Variants in PDE4D observed in about 807,000 individuals in gnomAD.
PDE4D encodes 3',5'-cyclic-AMP phosphodiesterase 4D.
A neutral mutation model predicts 87.4 loss-of-function variants in PDE4D; 24 were observed. The observed-to-expected ratio is 0.27, with a 90% confidence interval of 0.20 to 0.39. The LOEUF (loss-of-function observed/expected upper bound fraction) is 0.39. Among genes scored for constraint, PDE4D ranks in the 10% least tolerant of loss-of-function variants. The pLI is 1.00. For missense variants in PDE4D, 714 were observed against 1,041.0 expected (o/e 0.69, Z 4.32); for synonymous variants, 384 against 383.2 (o/e 1.00, Z -0.02).
At chr5:60,156,314 G>A (rs2962962) in intron 2 of PDE4D, among the ~76,000 whole-genome samples, 102,472 of 152,100 alleles carry the variant, frequency 0.67, 35,078 homozygotes, top group Middle Eastern at 0.7. Flanking sequence ...GGAGGAGAAT[G>A]TATATCTGGT....
chr5:60,215,630 C>T (rs567028396), intron 1 of PDE4D, among the ~76,000 whole-genome samples: 8 of 152,066 alleles, frequency 5.3e-5, no homozygotes, highest in African/African-American at 1.7e-4. Context: ...TGTTTAGGGA[C>T]GTATCTTTTA....
At chr5:60,425,897 A>C (rs1269118887) in intron 1 of PDE4D, among the ~76,000 whole-genome samples, 5 of 152,256 alleles carry the variant, frequency 3.3e-5, no homozygotes, top group Non-Finnish European at 7.3e-5. Context: ...ACTTCTCAAA[A>C]GAAGACATTT....
chr5:59,613,144 G>A (rs184578581), intron 1 of PDE4D, among the ~76,000 whole-genome samples: 1 of 152,252 alleles, frequency 6.6e-6, no homozygotes, highest in East Asian at 1.9e-4. Context: ...TGGTTGCCAT[G>A]GTGATGGTGA....
intron 6 of PDE4D, among the ~76,000 whole-genome samples, chr5:59,022,037 A>G (rs1472507583): frequency 1.3e-5 from 2 of 152,132 alleles, no homozygotes; most frequent in Non-Finnish European, 2.9e-5. Context: ...GGTGAAGCTG[A>G]CGCCAACTAT....
chr5:59,846,100 C>T (rs1239989152), intron 1 of PDE4D, among the ~76,000 whole-genome samples: 1 of 152,000 alleles, frequency 6.6e-6, no homozygotes, highest in African/African-American at 2.4e-5. Flanking sequence ...TACAAAAGCC[C>T]AATGACTCCC....
At chr5:59,900,420 A>C (rs779766818) in intron 3 of PDE4D, among the ~76,000 whole-genome samples, 1 of 152,128 alleles carries the variant, frequency 6.6e-6, no homozygotes, top group Non-Finnish European at 1.5e-5. Flanking sequence ...AAGATTTACT[A>C]TAAGTGAAAA....
chr5:59,264,082 T>TATTTGC (rs1307544088), intron 1 of PDE4D, among the ~76,000 whole-genome samples: 1 of 152,052 alleles, frequency 6.6e-6, no homozygotes, highest in Non-Finnish European at 1.5e-5. Context: ...ACAATGACTT[T>TATTTGC]ATTTGCATGC....
Position 60,389,431 on chromosome 5 carries a change from C to T in PDE4D, c.-90+98511G>A, listed in dbSNP as rs187044421. ...TTATATACTTGAATAACAAAGCAAC[C>T]TCAATATTGCATGAAACCTGGTATT... On this transcript the variant is annotated intron_variant, in intron 1 of 16. Coordinates refer to the PDE4D transcript ENST00000502484. Among the ~76,000 whole-genome samples the T allele has an allele frequency of 4.1e-4, 62 of 152,206 alleles. 1 individual carries two copies. The highest frequency in any genetic ancestry group is 1.5e-3 in the African/African-American group (61 of 41,526).
chr5:59,430,102 G>A (rs1795893740), intron 1 of PDE4D, among the ~76,000 whole-genome samples: 1 of 152,130 alleles, frequency 6.6e-6, no homozygotes, highest in Non-Finnish European at 1.5e-5. Context: ...AACCAGATCA[G>A]CTTTTGCTAA....
intron 1 of PDE4D, among the ~76,000 whole-genome samples, chr5:60,191,227 G>A (rs998982540): frequency 6.6e-6 from 1 of 151,476 alleles, no homozygotes; most frequent in Non-Finnish European, 1.5e-5. Context: ...TTCAATAATT[G>A]TTTTATGGGT....
chr5:60,047,077 C>A (rs1169390722), intron 2 of PDE4D, among the ~76,000 whole-genome samples: 1 of 152,316 alleles, frequency 6.6e-6, no homozygotes, highest in Non-Finnish European at 1.5e-5. Context: ...GATTCAACTT[C>A]TTCCTGGTTT....
intron 1 of PDE4D, among the ~76,000 whole-genome samples, chr5:59,416,968 T>C (rs1793712624): frequency 6.6e-6 from 1 of 152,206 alleles, no homozygotes; most frequent in Non-Finnish European, 1.5e-5. Flanking sequence ...ACATATTGCA[T>C]GTATGTACAT....
intron 5 of PDE4D, among the ~76,000 whole-genome samples, chr5:59,143,530 A>G (rs974932947): frequency 3.3e-5 from 5 of 152,214 alleles, no homozygotes; most frequent in African/African-American, 9.7e-5. Context: ...CCACACATCC[A>G]TCTGCAAGCA....
intron 2 of PDE4D, among the ~76,000 whole-genome samples, chr5:60,104,417 C>T (rs1310084653): frequency 6.6e-6 from 1 of 152,228 alleles, no homozygotes; most frequent in Non-Finnish European, 1.5e-5. Context: ...TCTGTAGGCT[C>T]CACCTCTGGG....
At chr5:59,020,801 G>T (rs1755015244) in intron 6 of PDE4D, among the ~76,000 whole-genome samples, 1 of 152,110 alleles carries the variant, frequency 6.6e-6, no homozygotes, top group East Asian at 1.9e-4. Flanking sequence ...TCATTCCCTT[G>T]TAACAACTAC....
intron 1 of PDE4D, among the ~76,000 whole-genome samples, chr5:60,339,732 G>A (rs545651318): frequency 6.6e-6 from 1 of 152,236 alleles, no homozygotes; most frequent in Non-Finnish European, 1.5e-5. Flanking sequence ...TGTGTCTTCT[G>A]GCTCATCCTT....
intron 1 of PDE4D, among the ~76,000 whole-genome samples, chr5:59,462,908 A>C (rs1322117094): frequency 6.6e-6 from 1 of 152,164 alleles, no homozygotes; most frequent in Admixed American, 6.6e-5. Context: ...AATTGTAAAA[A>C]AAAAAACTGC....
chr5:59,790,797 T>C (rs1464471028), intron 1 of PDE4D, among the ~76,000 whole-genome samples: 1 of 152,252 alleles, frequency 6.6e-6, no homozygotes, highest in African/African-American at 2.4e-5. Context: ...ATGACCCTAA[T>C]ATGAAAATGT....
At chr5:59,609,657 G>C (rs1828720461) in intron 1 of PDE4D, among the ~76,000 whole-genome samples, 1 of 152,100 alleles carries the variant, frequency 6.6e-6, no homozygotes, top group Non-Finnish European at 1.5e-5. Flanking sequence ...GCTTGAGTGA[G>C]AAATAAGCCT....
Sources: allele counts gnomAD v4.1 joint callset (sites outside exome capture counted in the v4.1 genomes callset), GRCh38; gene constraint gnomAD v4.1.1; transcripts MANE v1.5; gene names NCBI Gene and HGNC (gene_info 2026-07-23, HGNC 2026-07-21).